Variants in GPM6A observed in about 807,000 individuals in gnomAD.
GPM6A encodes the protein neuronal membrane glycoprotein M6-a.
A neutral mutation model predicts 32.1 loss-of-function variants in GPM6A; 7 were observed. That is an observed-to-expected ratio of 0.22 (90% CI 0.12 to 0.41). The LOEUF is 0.41. GPM6A is among the 10% of genes least tolerant of loss of function. The pLI is 1.00. For synonymous variants in GPM6A, 130 were observed against 123.4 expected (o/e 1.05, Z -0.35); for missense variants, 235 against 347.2 (o/e 0.68, Z 2.57).
At chr4:175,927,760 C>T (rs531542864) in intron 1 of GPM6A, among the ~76,000 whole-genome samples, 31 of 152,196 alleles carry the variant, frequency 2.0e-4, no homozygotes, top group Non-Finnish European at 3.2e-4. Flanking sequence ...CGGTGCACGC[C>T]TGTAATCCCA....
intron 1 of GPM6A, among the ~76,000 whole-genome samples, chr4:175,955,353 CA>C (rs1458076740): frequency 1.3e-5 from 2 of 152,102 alleles, no homozygotes; most frequent in African/African-American, 4.8e-5. Context: ...AATATGTTTA[CA>C]AAAATAGAAA....
chr4:175,923,137 GCTAAGGTATAGGT>G (rs1738720690), intron 1 of GPM6A, among the ~76,000 whole-genome samples: 2 of 150,286 alleles, frequency 1.3e-5, no homozygotes, highest in Non-Finnish European at 3.0e-5. Context: ...CTGAATCTTT[GCTAAGGTATAGGT>G]TAAACAGTTA....
chr4:175,784,937 C>T (rs1282497508), intron 1 of GPM6A, among the ~76,000 whole-genome samples: 1 of 152,122 alleles, frequency 6.6e-6, no homozygotes, highest in African/African-American at 2.4e-5. Context: ...AGTAATAGTA[C>T]CTACATTTGG....
At chr4:175,781,011 G>A (rs983504526) in intron 1 of GPM6A, among the ~76,000 whole-genome samples, 17 of 151,936 alleles carry the variant, frequency 1.1e-4, no homozygotes, top group African/African-American at 4.1e-4. Flanking sequence ...TCAATTAGAA[G>A]GGCAAGGTAT....
chr4:175,946,844 A>G (rs750949431), intron 1 of GPM6A, among the ~76,000 whole-genome samples: 20 of 152,158 alleles, frequency 1.3e-4, no homozygotes, highest in Admixed American at 4.6e-4. Flanking sequence ...TTGGGGAGTG[A>G]TTTATAAGAA....
In GPM6A at chr4:175,927,753, T is replaced by C. The variant is rs540421299; in HGVS notation, c.-23+74556A>G. Reference sequence around the variant, plus strand: ...TAGAAAAATTAGCAGAGCGTGGCGGTGCACGCCTGTAATCCCAGCTACTCC... The same window carrying C: ...TAGAAAAATTAGCAGAGCGTGGCGGCGCACGCCTGTAATCCCAGCTACTCC... On this transcript the variant is annotated intron_variant, in intron 1 of 7. Coordinates refer to the GPM6A transcript ENST00000280187. Among the ~76,000 whole-genome samples, 11 of 152,210 alleles carry C rather than the reference T, an allele frequency of 7.2e-5. No homozygotes were observed. The East Asian group carries it at 2.1e-3, about 30-fold the overall frequency.
chr4:175,804,828 G>A (rs1054697993), intron 1 of GPM6A, among the ~76,000 whole-genome samples: 3 of 152,100 alleles, frequency 2.0e-5, no homozygotes, highest in Middle Eastern at 3.4e-3. Flanking sequence ...GGCGGATCAC[G>A]AGGTCAGGAG....
chr4:175,644,214 C>T (rs1374730262), intron 4 of GPM6A, among the ~76,000 whole-genome samples: 6 of 143,814 alleles, frequency 4.2e-5, no homozygotes, highest in Non-Finnish European at 9.0e-5. Flanking sequence ...AGCTCCGCTT[C>T]CCGGGTTCAC....
chr4:175,660,352 C>A (rs1051101401), intron 3 of GPM6A, among the ~76,000 whole-genome samples: 1 of 151,644 alleles, frequency 6.6e-6, no homozygotes, highest in Non-Finnish European at 1.5e-5. Context: ...CCATTGTACT[C>A]CAGCCTGGGT....
At chr4:175,997,931 C>T (rs1280794057) in intron 1 of GPM6A, among the ~76,000 whole-genome samples, 5 of 149,722 alleles carry the variant, frequency 3.3e-5, no homozygotes, top group Non-Finnish European at 7.4e-5. Context: ...CATCCTTCTT[C>T]AATCAAACAG....
chr4:175,978,777 C>G (rs1042524521), intron 1 of GPM6A, among the ~76,000 whole-genome samples: 1 of 152,118 alleles, frequency 6.6e-6, no homozygotes, highest in African/African-American at 2.4e-5. Flanking sequence ...GAAACTCTAT[C>G]TCAATAGGTA....
intron 1 of GPM6A, among the ~76,000 whole-genome samples, chr4:175,778,667 ACT>A (rs1316519082): frequency 6.7e-6 from 1 of 148,984 alleles, no homozygotes; most frequent in Non-Finnish European, 1.5e-5. Flanking sequence ...GAAAAAGAAA[ACT>A]CTGTAGGATA....
At chr4:175,775,681 T>C (rs961935831) in intron 1 of GPM6A, among the ~76,000 whole-genome samples, 3 of 152,000 alleles carry the variant, frequency 2.0e-5, no homozygotes, top group African/African-American at 7.2e-5. Context: ...GTCAAAACCA[T>C]TAAAAGGAAG....
chr4:175,910,875 T>C (rs1217485852), intron 1 of GPM6A, among the ~76,000 whole-genome samples: 2 of 152,186 alleles, frequency 1.3e-5, no homozygotes, highest in Non-Finnish European at 2.9e-5. Flanking sequence ...AGCAGCCATA[T>C]GCAATCCATA....
At position 175,821,025 on chromosome 4, in the gene GPM6A, T is replaced by C. The variant is rs994543485; in HGVS notation, c.-22-8776A>G. ...TGAGGTGTATGTATGTGTGGAATCA[T>C]TGGGTAGGAGATTATGTATGTCTTC... On this transcript the variant is annotated intron_variant, in intron 1 of 7. Coordinates refer to the GPM6A transcript ENST00000280187. 1.4e-4 allele frequency among the ~76,000 whole-genome samples: 21 copies of C among 152,246 alleles called. No homozygotes were observed. In the East Asian group the frequency reaches 3.5e-3, roughly 25 times the overall value.
chr4:175,698,672 A>C (rs1206017682), intron 2 of GPM6A, among the ~76,000 whole-genome samples: 2 of 152,198 alleles, frequency 1.3e-5, no homozygotes, highest in African/African-American at 2.4e-5. Context: ...ATACTTTGTT[A>C]GCTCTGCAGG....
At chr4:175,914,187 G>A (rs1242923335) in intron 1 of GPM6A, among the ~76,000 whole-genome samples, 1 of 152,184 alleles carries the variant, frequency 6.6e-6, no homozygotes, top group Non-Finnish European at 1.5e-5. Flanking sequence ...ATGTAGTGAG[G>A]TGAGTTGTCA....
At chr4:175,646,738 T>C (rs965462719) in intron 4 of GPM6A, among the ~76,000 whole-genome samples, 3 of 152,158 alleles carry the variant, frequency 2.0e-5, no homozygotes, top group Non-Finnish European at 4.4e-5. Flanking sequence ...CTCATCTGAG[T>C]TCCTCCCTCA....
chr4:175,936,435 A>T (rs1179477892), intron 1 of GPM6A, among the ~76,000 whole-genome samples: 3 of 151,782 alleles, frequency 2.0e-5, no homozygotes, highest in Non-Finnish European at 4.4e-5. Flanking sequence ...ATTAAACTGC[A>T]TATGTGATGC....
Sources: allele counts gnomAD v4.1 joint callset (sites outside exome capture counted in the v4.1 genomes callset), GRCh38; gene constraint gnomAD v4.1.1; transcripts MANE v1.5; gene names NCBI Gene and HGNC (gene_info 2026-07-23, HGNC 2026-07-21).